Variants in IRF9 observed in about 807,000 individuals in gnomAD.
IRF9 encodes the protein IFN-alpha-responsive transcription factor subunit.
Under a neutral mutation model 44.1 loss-of-function variants are expected in IRF9, and 13 were observed. That is an observed-to-expected ratio of 0.29 (90% CI 0.19 to 0.47). The LOEUF is 0.47. Among genes scored for constraint, IRF9 ranks in the 20% least tolerant of loss-of-function variants. The pLI is 1.00. For missense variants in IRF9, 373 were observed against 496.1 expected, an observed-to-expected ratio of 0.75 and a Z score of 2.36; for synonymous variants, 189 against 188.5, an observed-to-expected ratio of 1.00 and a Z score of -0.02.
intron 7 of IRF9, 58 bp downstream of exon 7, chr14:24,165,013 G>T: frequency 6.5e-7 from 1 of 1,539,674 alleles, no homozygotes; most frequent in African/African-American, 1.4e-5. Flanking sequence ...AGTACCCCCT[G>T]GGCCCAACTT....
chr14:24,162,359 G>A (rs1349125458), intron 2 of IRF9, 35 bp downstream of exon 2: 3 of 1,597,096 alleles, frequency 1.9e-6, no homozygotes, highest in Non-Finnish European at 2.6e-6. Context: ...TCCTCTGTGT[G>A]TGGGATGGTG....
intron 1 of IRF9, 114 bp downstream of exon 1, chr14:24,161,452 ATCTC>A (rs1484276280): frequency 6.6e-6 from 1 of 152,516 alleles, no homozygotes; most frequent in Non-Finnish European, 1.5e-5. Flanking sequence ...TAGACAGAAG[ATCTC>A]TTAAGTCAGG....
At position 24,164,234 on chromosome 14, in the gene IRF9, C is replaced by G. The variant is rs1207496022; in HGVS notation, c.649+100C>G. On this transcript the variant is annotated intron_variant, in intron 6 of 8. Coordinates refer to ENST00000396864, the MANE Select transcript of IRF9 (RefSeq NM_006084.5). This position sits in a 1 kb window ranked among gnomAD's most constrained non-coding sequence, Gnocchi z 5.2. The stretch of plus-strand genomic sequence containing the variant: ...CTAGTCAGTCAGGGCTTACAGCAAA[C>G]TGTACCCACATTACCATAGCCCTAG... The G allele has an allele frequency of 3.9e-6, 4 of 1,024,102 alleles. No individual in the cohort carries two copies. The highest frequency in any genetic ancestry group is 4.6e-6 in the Non-Finnish European group (3 of 653,304). The allele number at this position is 1,024,102 out of a possible 1,614,324, so 63.4% of individuals were successfully genotyped here.
intron 2 of IRF9, chr14:24,162,557 T>A (rs62001570): frequency 0.016 from 8,031 of 488,484 alleles, 103 homozygotes; most frequent in Non-Finnish European, 0.023. Context: ...ATCCCAGCAC[T>A]TCGGGAGGCC....
rs749874743 is a variant in IRF9, at chr14:24,164,154, T to G, written c.649+20T>G. 3 of 1,609,294 alleles carry G rather than the reference T, an allele frequency of 1.9e-6. No homozygotes were observed. The African/African-American group carries it at 4.0e-5, about 22-fold the overall frequency. On this transcript the variant is annotated intron_variant, in intron 6 of 8. Transcript: ENST00000396864. The surrounding 1 kb of genome is among the most constrained non-coding windows in gnomAD (Gnocchi z 5.2). ...AGCCAGGTACGTGGCATTTCTGACT[T>G]TCTCCTGTGCCCTGTGCCCCTGAGG...
chr14:24,164,509 C>A lies in IRF9; in HGVS notation c.650-105C>A. On this transcript the variant is annotated intron_variant, in intron 6 of 8. Transcript: ENST00000396864. The surrounding 1 kb of genome is among the most constrained non-coding windows in gnomAD (Gnocchi z 5.2). ...AGTGATAGGAAAACCTGAGAGGAAG[C>A]CCCCTGGCTGGTGTGGGGAGGGGAG... 1 of 1,114,288 alleles carries A rather than the reference C, an allele frequency of 9.0e-7. No individual in the cohort carries two copies. 69.0% of individuals were successfully genotyped at this position (1,114,288 alleles called of 1,614,324 possible). A position where few individuals can be genotyped will look rare whatever the true frequency, so the allele number is the denominator to read the frequency against.
rs772912265 is a variant in IRF9, at chr14:24,165,111, T to C, written c.991+156T>C. 1.6e-5 allele frequency: 12 copies of C among 766,748 alleles called. No homozygotes were observed. In the South Asian group the frequency reaches 1.7e-4, roughly 11 times the overall value. The allele number at this position is 766,748 out of a possible 1,614,324, so 47.5% of individuals were successfully genotyped here. A position where few individuals can be genotyped will look rare whatever the true frequency, so the allele number is the denominator to read the frequency against. On this transcript the variant is annotated intron_variant, in intron 7 of 8. Transcript: ENST00000396864. ...CTGCGCTTGTGTGTTGCATATCCTG[T>C]GTGGCCATATGCCCAGCCTGGCAGC... is the stretch of plus-strand genomic sequence containing the variant.
rs186584612 is a variant in IRF9, at chr14:24,162,043, T to C, written c.-1-101T>C. ...GCTAAAAGAAGATGGATGGGATCTCTGGGACCTGTTGCCAGAATCTAGTCT... is the reference window on the plus strand; with the variant it reads ...GCTAAAAGAAGATGGATGGGATCTCCGGGACCTGTTGCCAGAATCTAGTCT... On this transcript the variant is annotated intron_variant, in intron 1 of 8. Transcript: ENST00000396864. 1.2e-3 allele frequency: 1,316 copies of C among 1,095,850 alleles called. 3 individuals carry two copies. The highest frequency in any genetic ancestry group is 1.1e-3 in the Non-Finnish European group (838 of 744,616). 67.9% of individuals were successfully genotyped at this position (1,095,850 alleles called of 1,614,324 possible).
At chr14:24,166,051 G>T in intron 8 of IRF9, 71 bp from the exon 9 acceptor site, 1 of 1,576,260 alleles carries the variant, frequency 6.3e-7, no homozygotes, top group Non-Finnish European at 8.7e-7. Flanking sequence ...CAGTGGGGAA[G>T]GAGCTCCTGG....
At position 24,164,566 on chromosome 14, in the gene IRF9, C is replaced by T. The variant is rs2038499039; in HGVS notation, c.650-48C>T. 2.0e-6 allele frequency: 3 copies of T among 1,518,412 alleles called. No individual in the cohort carries two copies. 94.1% of individuals were successfully genotyped at this position (1,518,412 alleles called of 1,614,324 possible). On this transcript the variant is annotated intron_variant, in intron 6 of 8. Transcript: ENST00000396864. This position sits in a 1 kb window ranked among gnomAD's most constrained non-coding sequence, Gnocchi z 5.2. ...TTGTTCCCCTGGGGAGGGGCTGCTGCCAGCCTGCATGCTCCTCCAGCACCA... is the reference window on the plus strand; with the variant it reads ...TTGTTCCCCTGGGGAGGGGCTGCTGTCAGCCTGCATGCTCCTCCAGCACCA...
intron 7 of IRF9, 77 bp downstream of exon 7, chr14:24,165,032 C>T: frequency 7.7e-7 from 1 of 1,293,494 alleles, no homozygotes; most frequent in Non-Finnish European, 1.1e-6. Context: ...TTGTTGGGTC[C>T]TGCTACCTCC....
chr14:24,164,086 T>C lies in IRF9; in HGVS notation c.601T>C (p.Phe201Leu). Residue 201 changes from phenylalanine to leucine, a missense_variant, in exon 6 of 9, where the codon TTT becomes CTT. Phe to Leu is a conservative substitution (Grantham distance 22, BLOSUM62 0). Transcript: ENST00000396864. This position sits in a 1 kb window ranked among gnomAD's most constrained non-coding sequence, Gnocchi z 5.2. ...AGTTACAGACACAACTGAGGCCCCC[T>C]TTCAAGGGGATCAGAGGTCCCTGGA... ...QEVTDTTEAP[F>L]QGDQRSLEFL... 2 of 1,614,162 alleles carry C rather than the reference T, an allele frequency of 1.2e-6. No individual in the cohort carries two copies. The highest frequency in any genetic ancestry group is 1.7e-6 in the Non-Finnish European group (2 of 1,180,008).
chr14:24,166,078 T>C (rs777241033), intron 8 of IRF9, 44 bp from the exon 9 acceptor site: 1 of 1,602,366 alleles, frequency 6.2e-7, no homozygotes, highest in Non-Finnish European at 8.5e-7. Flanking sequence ...TGTCTGTCCC[T>C]GATGCACGCA....
In IRF9 at chr14:24,162,285, G is replaced by A; in HGVS notation, c.141G>A (p.Lys47=). Residue 47 remains lysine, a synonymous_variant, in exon 2 of 9, where the codon AAG becomes AAA. Coordinates refer to ENST00000396864, the MANE Select transcript of IRF9 (RefSeq NM_006084.5). ...MFRIPWKHAG[K]QDFREDQDAA... ...GGATTCCCTGGAAACATGCAGGCAAGCAGGACTTCCGGGAGGACCAGGATG... is the reference window on the plus strand; with the variant it reads ...GGATTCCCTGGAAACATGCAGGCAAACAGGACTTCCGGGAGGACCAGGATG... 6.2e-7 allele frequency: 1 copy of A among 1,614,192 alleles called. No homozygotes were observed. Among genetic ancestry groups the A allele is most frequent in the South Asian group, 1.1e-5 (1 of 91,084 alleles).
At position 24,164,155 on chromosome 14, in the gene IRF9, T is replaced by C; in HGVS notation, c.649+21T>C. 6.2e-7 allele frequency: 1 copy of C among 1,608,562 alleles called. No individual in the cohort carries two copies. Among genetic ancestry groups the C allele is most frequent in the Non-Finnish European group, 8.5e-7 (1 of 1,175,030 alleles). On this transcript the variant is annotated intron_variant, in intron 6 of 8. Transcript: ENST00000396864. This position sits in a 1 kb window ranked among gnomAD's most constrained non-coding sequence, Gnocchi z 5.2. The stretch of plus-strand genomic sequence containing the variant: ...GCCAGGTACGTGGCATTTCTGACTT[T>C]CTCCTGTGCCCTGTGCCCCTGAGGT...
In IRF9 at chr14:24,162,168, C is replaced by T. The variant is rs2038465154; in HGVS notation, c.24C>T (p.Cys8=). The T allele has an allele frequency of 5.0e-6, 8 of 1,614,094 alleles. No individual in the cohort carries two copies. The highest frequency in any genetic ancestry group is 5.9e-6 in the Non-Finnish European group (7 of 1,179,982). MASGRAR[C]TRKLRNWVVE... ...GGATGGCATCAGGCAGGGCACGCTG[C>T]ACCCGAAAACTCCGGAACTGGGTGG... Residue 8 remains cysteine, a synonymous_variant, in exon 2 of 9, where the codon TGC becomes TGT. Transcript: ENST00000396864.
At chr14:24,162,856 T>C (rs1051713257) in intron 2 of IRF9, 110 bp from the exon 3 acceptor site, 19 of 827,260 alleles carry the variant, frequency 2.3e-5, no homozygotes, top group Non-Finnish European at 3.6e-5. Context: ...GCACAGACCC[T>C]GCATAATCCC....
At chr14:24,163,354 C>G (rs1364672108) in intron 3 of IRF9, 24 bp from the exon 4 acceptor site, 3 of 1,609,498 alleles carry the variant, frequency 1.9e-6, no homozygotes, top group Admixed American at 3.3e-5. Flanking sequence ...CCTGACCTTT[C>G]TCTGTCCCTC....
chr14:24,164,278 C>A lies in IRF9; in HGVS notation c.649+144C>A. 1 of 745,368 alleles carries A rather than the reference C, an allele frequency of 1.3e-6. No individual in the cohort carries two copies. The allele number at this position is 745,368 out of a possible 1,614,324, so 46.2% of individuals were successfully genotyped here. A position where few individuals can be genotyped will look rare whatever the true frequency, so the allele number is the denominator to read the frequency against. ...GCCCTAGGCAGTGGTTTCTAGGTGG[C>A]GAGAATTCCATATGCCTGGCCAGAC... On this transcript the variant is annotated intron_variant, in intron 6 of 8. Coordinates refer to ENST00000396864, the MANE Select transcript of IRF9 (RefSeq NM_006084.5). This position sits in a 1 kb window ranked among gnomAD's most constrained non-coding sequence, Gnocchi z 5.2.
Sources: gnomAD v4.1 joint callset for allele counts on GRCh38, gnomAD v4.1.1 for gene constraint, Gnocchi (gnomAD v3.1) non-coding constraint, MANE v1.5 for transcripts, NCBI Gene and HGNC (gene_info 2026-07-23, HGNC 2026-07-21) for gene names.